Variants in CAMTA1 observed in about 807,000 individuals in gnomAD.
CAMTA1 encodes calmodulin-binding transcription activator 1.
In CAMTA1, 27 loss-of-function variants were observed where a neutral mutation model predicts 170.9. The ratio of observed to expected loss-of-function variants is 0.16; its 90% CI spans 0.12 to 0.22. The LOEUF (loss-of-function observed/expected upper bound fraction) is 0.22. Ranked by LOEUF, CAMTA1 falls within the 10% of genes least tolerant of loss-of-function variation. The probability of loss-of-function intolerance (pLI) is 1.00; values close to 1 mark genes in which losing one functional copy is unlikely to be tolerated. For missense variants in CAMTA1, 1,619 were observed against 2,217.2 expected (o/e 0.73, Z 5.42); for synonymous variants, 833 against 891.5 (o/e 0.93, Z 1.17).
rs2096875121 is a variant in CAMTA1 at position 7,748,743 on chromosome 1, A to C, written c.4689+962A>C. 6.6e-6 allele frequency among the ~76,000 whole-genome samples: 1 copy of C among 152,246 alleles called. No individual in the cohort carries two copies. The highest frequency in any genetic ancestry group is 2.4e-5 in the African/African-American group (1 of 41,468). Reference sequence around the variant, plus strand: ...TGTTAAAATCTTTGAAAATCAGAAGAAGCTCAGAACATCTTAAACTGCTTT... The same window carrying C: ...TGTTAAAATCTTTGAAAATCAGAAGCAGCTCAGAACATCTTAAACTGCTTT... On this transcript the variant is annotated intron_variant, in intron 19 of 22. Coordinates refer to ENST00000303635, the MANE Select transcript of CAMTA1 (RefSeq NM_015215.4). This position sits in a 1 kb window ranked among gnomAD's most constrained non-coding sequence, Gnocchi z 4.7.
At position 7,247,201 on chromosome 1, in the gene CAMTA1, G is replaced by A. The variant is rs1192458847; in HGVS notation, c.303-2290G>A. Among the ~76,000 whole-genome samples the A allele has an allele frequency of 2.6e-5, 4 of 152,348 alleles. No homozygotes were observed. The East Asian group carries it at 5.8e-4, about 22-fold the overall frequency. ...AAGGCCATTTAAGCTGGACACTTAA[G>A]TTCCCTGTGGGATTGTATCCTGCTG... is the stretch of plus-strand genomic sequence containing the variant. On this transcript the variant is annotated intron_variant, in intron 4 of 22. Coordinates refer to ENST00000303635, the MANE Select transcript of CAMTA1 (RefSeq NM_015215.4).
At chr1:7,660,427 A>G (rs537013819) in intron 7 of CAMTA1, among the ~76,000 whole-genome samples, 1 of 152,106 alleles carries the variant, frequency 6.6e-6, no homozygotes, top group African/African-American at 2.4e-5. Flanking sequence ...AGTCCCAGCT[A>G]CTCAGGAGGC....
At chr1:7,192,120 A>G (rs1394927727) in intron 4 of CAMTA1, among the ~76,000 whole-genome samples, 2 of 152,176 alleles carry the variant, frequency 1.3e-5, no homozygotes, top group African/African-American at 4.8e-5. Flanking sequence ...GTCAAGATGC[A>G]TTTGTCTGTC....
In CAMTA1 at chr1:7,014,741, G is replaced by T. The variant is rs550193580; in HGVS notation, c.235-76563G>T. ...TCGTAAGAGGTGGGACTCAGCCGAG[G>T]GGGCCAGTCTAGAGGTTACACATTC... On this transcript the variant is annotated intron_variant, in intron 3 of 22. Transcript: ENST00000303635. This position sits in a 1 kb window ranked among gnomAD's most constrained non-coding sequence, Gnocchi z 4.2. Among the ~76,000 whole-genome samples the T allele has an allele frequency of 2.6e-5, 4 of 152,318 alleles. No individual in the cohort carries two copies. In the East Asian group the frequency reaches 7.7e-4, roughly 29 times the overall value.
rs1666558436 is a variant in CAMTA1, at chr1:7,251,061, A to T, written c.438+1435A>T. On this transcript the variant is annotated intron_variant, in intron 5 of 22. Coordinates refer to ENST00000303635, the MANE Select transcript of CAMTA1 (RefSeq NM_015215.4). The surrounding 1 kb of genome is among the most constrained non-coding windows in gnomAD (Gnocchi z 5.1). ...CAAGGCTGGGTGGGGCCCCCGAACA[A>T]CGAGGCTGCTCGCACCGGGAGTAAT... is the stretch of plus-strand genomic sequence containing the variant. Among the ~76,000 whole-genome samples the T allele has an allele frequency of 6.6e-6, 1 of 152,196 alleles. No homozygotes were observed. Among genetic ancestry groups the T allele is most frequent in the South Asian group, 2.1e-4 (1 of 4,834 alleles).
intron 10 of CAMTA1, 124 bp downstream of exon 10, chr1:7,671,161 G>A: frequency 9.2e-7 from 1 of 1,089,262 alleles, no homozygotes; most frequent in Non-Finnish European, 1.3e-6. Context: ...AGTTTCCTCG[G>A]CTGTGAAGAA....
At chr1:6,884,287 T>TAG (rs1401008054) in intron 3 of CAMTA1, among the ~76,000 whole-genome samples, 117 of 96,718 alleles carry the variant, frequency 1.2e-3, no homozygotes, top group African/African-American at 3.8e-3. Context: ...GCTTATTCTC[T>TAG]AGAGACACAC....
At chr1:7,696,817 TAC>T (rs2149458667) in intron 11 of CAMTA1, among the ~76,000 whole-genome samples, 1 of 152,218 alleles carries the variant, frequency 6.6e-6, no homozygotes, top group African/African-American at 2.4e-5. Flanking sequence ...TGGCAGCCCA[TAC>T]ACTCTGCACG....
At chr1:6,966,237 T>C (rs1390542454) in intron 3 of CAMTA1, among the ~76,000 whole-genome samples, 1 of 152,218 alleles carries the variant, frequency 6.6e-6, no homozygotes, top group Non-Finnish European at 1.5e-5. Context: ...TTCAATTCCA[T>C]GGCTTTTAGT....
intron 5 of CAMTA1, among the ~76,000 whole-genome samples, chr1:7,460,955 C>G (rs2093071749): frequency 6.6e-6 from 1 of 152,138 alleles, no homozygotes; most frequent in South Asian, 2.1e-4. Flanking sequence ...TAACGTGGTG[C>G]TCTCTGACCC....
At chr1:7,369,519 T>A (rs1281688512) in intron 5 of CAMTA1, among the ~76,000 whole-genome samples, 2 of 152,128 alleles carry the variant, frequency 1.3e-5, no homozygotes, top group African/African-American at 4.8e-5. Context: ...CAGATTAAAA[T>A]CAGCTGAGGG....
At chr1:6,979,250 T>G (rs536132935) in intron 3 of CAMTA1, among the ~76,000 whole-genome samples, 3 of 152,274 alleles carry the variant, frequency 2.0e-5, no homozygotes, top group African/African-American at 7.2e-5. Flanking sequence ...TCCCAGCTCC[T>G]GCACAGGGTC....
rs564216750 is a variant in CAMTA1 at position 6,931,168 on chromosome 1, C to T, written c.234+105958C>T. 4.3e-4 allele frequency among the ~76,000 whole-genome samples: 65 copies of T among 152,286 alleles called. 1 individual carries two copies. In the South Asian group the frequency reaches 8.5e-3, roughly 20 times the overall value. ...TCTGAGGGAAGCAAGAGGGTGTGGG[C>T]TGGGCACCCCTAGGGAGCTTACTTT... On this transcript the variant is annotated intron_variant, in intron 3 of 22. Coordinates refer to ENST00000303635, the MANE Select transcript of CAMTA1 (RefSeq NM_015215.4).
At chr1:7,522,781 T>G (rs980056696) in intron 6 of CAMTA1, among the ~76,000 whole-genome samples, 1 of 152,264 alleles carries the variant, frequency 6.6e-6, no homozygotes, top group African/African-American at 2.4e-5. Context: ...CTTCCTCCAT[T>G]TAATTGCTTT....
intron 5 of CAMTA1, among the ~76,000 whole-genome samples, chr1:7,260,191 A>T (rs1667967578): frequency 6.6e-6 from 1 of 152,076 alleles, no homozygotes. Context: ...TGGACCATGG[A>T]TGTAGTTGGT....
intron 6 of CAMTA1, among the ~76,000 whole-genome samples, chr1:7,619,649 T>C (rs1048476848): frequency 6.6e-6 from 1 of 151,202 alleles, no homozygotes; most frequent in Admixed American, 6.6e-5. Context: ...TGAGGAGAAA[T>C]TGATTTTTTT....
intron 4 of CAMTA1, among the ~76,000 whole-genome samples, chr1:7,210,361 G>T (rs1658533969): frequency 6.6e-6 from 1 of 152,154 alleles, no homozygotes; most frequent in Non-Finnish European, 1.5e-5. Flanking sequence ...CTTAGGACCA[G>T]ATTCAGGATA....
chr1:7,679,806 G>A (rs573991305), intron 11 of CAMTA1, among the ~76,000 whole-genome samples: 3 of 152,346 alleles, frequency 2.0e-5, no homozygotes, highest in East Asian at 3.9e-4. Flanking sequence ...AACCAGAGGG[G>A]ACCAGCCTGG....
At chr1:6,876,173 C>G (rs961910094) in intron 3 of CAMTA1, among the ~76,000 whole-genome samples, 1 of 151,838 alleles carries the variant, frequency 6.6e-6, no homozygotes, top group African/African-American at 2.4e-5. Flanking sequence ...CTCTTCCTCT[C>G]TTTTATGGGT....
Sources: gnomAD v4.1 joint callset for allele counts (sites outside exome capture counted in the v4.1 genomes callset) on GRCh38, gnomAD v4.1.1 for gene constraint, Gnocchi (gnomAD v3.1) non-coding constraint, MANE v1.5 for transcripts, NCBI Gene and HGNC (gene_info 2026-07-23, HGNC 2026-07-21) for gene names.